The following COL12A1 variants were observed in gnomAD, a reference collection of about 807,000 sequenced individuals.
COL12A1 encodes collagen alpha-1(XII) chain.
In COL12A1, 114 loss-of-function variants were observed where a neutral mutation model predicts 349.7. The observed-to-expected ratio is 0.33, with a 90% CI of 0.28 to 0.38. COL12A1 has a LOEUF of 0.38. COL12A1 is among the 10% of genes least tolerant of loss of function. The pLI, the probability that COL12A1 is intolerant of heterozygous loss-of-function variation, is 1.00. For synonymous variants in COL12A1, 1,369 were observed against 1,329.0 expected (o/e 1.03, Z -0.66); for missense variants, 3,284 against 3,756.9 (o/e 0.87, Z 3.29).
At chr6:75,094,314 T>G (rs1409407489) in intron 60 of COL12A1, among the ~76,000 whole-genome samples, 1 of 152,236 alleles carries the variant, frequency 6.6e-6, no homozygotes, top group Non-Finnish European at 1.5e-5. Context: ...TAGTTGGACT[T>G]AATTGTCTTT....
chr6:75,189,936 T>C, intron 5 of COL12A1, 121 bp from the exon 6 acceptor site: 1 of 1,075,258 alleles, frequency 9.3e-7, no homozygotes, highest in South Asian at 1.7e-5. Context: ...TATTCACCAA[T>C]TGTTCTTCAC....
intron 42 of COL12A1, 37 bp downstream of exon 42, chr6:75,123,910 AG>A (rs769715321): frequency 3.8e-6 from 6 of 1,583,838 alleles, no homozygotes; most frequent in Non-Finnish European, 5.2e-6. Flanking sequence ...TCTATTCTAA[AG>A]CCTTATGAAA....
At chr6:75,146,423 A>G (rs549170589) in intron 23 of COL12A1, 179 bp from the exon 24 acceptor site, 3 of 542,388 alleles carry the variant, frequency 5.5e-6, no homozygotes, top group East Asian at 3.4e-5. Flanking sequence ...TACATTGCTC[A>G]TTGCACTTCA....
chr6:75,174,400 C>CA (rs1768804907), intron 13 of COL12A1, among the ~76,000 whole-genome samples: 1 of 151,908 alleles, frequency 6.6e-6, no homozygotes, highest in Admixed American at 6.6e-5. Flanking sequence ...ACTAAAAATA[C>CA]AAAAAATTAG....
intron 58 of COL12A1, among the ~76,000 whole-genome samples, chr6:75,098,936 C>G (rs1271046081): frequency 6.6e-6 from 1 of 152,184 alleles, no homozygotes; most frequent in Admixed American, 6.5e-5. Context: ...TCCTGCTACC[C>G]AGTTAGCATT....
chr6:75,105,130 A>G, intron 54 of COL12A1, 76 bp downstream of exon 54: 1 of 1,223,668 alleles, frequency 8.2e-7, no homozygotes, highest in East Asian at 2.4e-5. Flanking sequence ...TATTTTACTG[A>G]CTCCATATTG....
intron 11 of COL12A1, among the ~76,000 whole-genome samples, chr6:75,178,530 C>T (rs1323220139): frequency 6.6e-6 from 1 of 152,196 alleles, no homozygotes; most frequent in Non-Finnish European, 1.5e-5. Flanking sequence ...CTAAGATGCA[C>T]TATGGGTAAC....
intron 12 of COL12A1, 36 bp from the exon 13 acceptor site, chr6:75,175,346 T>A: frequency 6.3e-7 from 1 of 1,587,356 alleles, no homozygotes; most frequent in Admixed American, 1.8e-5. Flanking sequence ...CAAAACCCAT[T>A]ATTTAAAAAA....
Position 75,188,440 on chromosome 6 carries a change from C to A in COL12A1, c.919G>T (p.Asp307Tyr). Residue 307 changes from aspartate to tyrosine, a missense_variant, in exon 8 of 66, where the codon GAT (aspartate) becomes TAT (tyrosine). Transcript: ENST00000322507. ...TGGGAGATGATCTCATTCTGAATAT[C>A]CACAATTGCATCAAAGTTGGCCACA... Reference protein sequence around the residue: ...FNVANFDAIVDIQNEIISQVC... With the variant: ...FNVANFDAIVYIQNEIISQVC... 6.2e-7 allele frequency: 1 copy of A among 1,613,634 alleles called. No homozygotes were observed. Among genetic ancestry groups the A allele is most frequent in the Non-Finnish European group, 8.5e-7 (1 of 1,179,662 alleles).
intron 64 of COL12A1, 96 bp from the exon 65 acceptor site, chr6:75,087,843 A>C (rs926692503): frequency 5.9e-5 from 74 of 1,248,776 alleles, no homozygotes; most frequent in South Asian, 9.5e-5. Flanking sequence ...ACTGTCTCAA[A>C]ATTAGACAAT....
intron 46 of COL12A1, among the ~76,000 whole-genome samples, chr6:75,118,098 C>A (rs1769175560): frequency 6.6e-6 from 1 of 151,788 alleles, no homozygotes; most frequent in Non-Finnish European, 1.5e-5. Context: ...CTAAATTTGA[C>A]ATCAGGGGAA....
At chr6:75,091,870 G>A (rs1196639419) in intron 60 of COL12A1, among the ~76,000 whole-genome samples, 2 of 152,088 alleles carry the variant, frequency 1.3e-5, no homozygotes, top group Non-Finnish European at 2.9e-5. Flanking sequence ...GATTGCCCTT[G>A]TACCGCCATA....
At chr6:75,112,842 C>T (rs1310192716) in intron 51 of COL12A1, among the ~76,000 whole-genome samples, 1 of 151,232 alleles carries the variant, frequency 6.6e-6, no homozygotes, top group Non-Finnish European at 1.5e-5. Flanking sequence ...AAAAAGCAAG[C>T]AGAAGAAATA....
Position 75,189,387 on chromosome 6 carries a change from G to C in COL12A1, c.659-6C>G. ...TAAATAATCAATGGCATCCCCTAAA[G>C]GGAAAAGAAACATGTTCATTTACTC... On this transcript the variant is annotated splice_polypyrimidine_tract_variant and splice_region_variant and intron_variant, in intron 6 of 65. Coordinates refer to ENST00000322507, the MANE Select transcript of COL12A1 (RefSeq NM_004370.6). The C allele has an allele frequency of 1.2e-6, 2 of 1,611,024 alleles. No homozygotes were observed. The highest frequency in any genetic ancestry group is 1.7e-6 in the Non-Finnish European group (2 of 1,178,928).
Position 75,175,587 on chromosome 6 carries a change from A to G in COL12A1, c.2438-277T>C, listed in dbSNP as rs144317904. Reference sequence around the variant, plus strand: ...AATCTTTCATGTTAGAATATTTCCTATAAAATAGTTTCCCTGTATTTCCTT... The same window carrying G: ...AATCTTTCATGTTAGAATATTTCCTGTAAAATAGTTTCCCTGTATTTCCTT... On this transcript the variant is annotated intron_variant, in intron 12 of 65. Coordinates refer to ENST00000322507, the MANE Select transcript of COL12A1 (RefSeq NM_004370.6). 8.4e-3 allele frequency among the ~76,000 whole-genome samples: 1,274 copies of G among 152,328 alleles called. 55 individuals carry two copies. Among genetic ancestry groups the G allele is most frequent in the Admixed American group, 0.072 (1,101 of 15,300 alleles).
rs1765905596 is a variant in COL12A1, at chr6:75,124,279, T to C, written c.6700A>G (p.Arg2234Gly). 1.9e-6 allele frequency: 3 copies of C among 1,613,814 alleles called. No homozygotes were observed. In the East Asian group the frequency reaches 6.7e-5, roughly 36 times the overall value. The stretch of plus-strand genomic sequence containing the variant: ...CCATCTGCAGGGCTTAGTTTTAGCC[T>C]GTAGGAGGTGGCTGCCCGGTGAGGT... ...WSPHRAATSY[R>G]LKLSPADGTR... The change falls in exon 41 of 66, where the codon AGG becomes GGG. Residue 2234 changes from arginine (R) to glycine (G), a missense_variant. Arg to Gly is a moderately radical substitution (Grantham distance 125). Coordinates refer to ENST00000322507, the MANE Select transcript of COL12A1 (RefSeq NM_004370.6).
intron 52 of COL12A1, among the ~76,000 whole-genome samples, chr6:75,106,753 T>C (rs756631175): frequency 1.3e-4 from 20 of 152,158 alleles, no homozygotes; most frequent in Non-Finnish European, 2.2e-4. Flanking sequence ...TTTGAACATA[T>C]GTCTACGAGA....
Position 75,143,239 on chromosome 6 carries a change from A to G in COL12A1, c.4827+13T>C, listed in dbSNP as rs1030816027. On this transcript the variant is annotated intron_variant, in intron 26 of 65. Coordinates refer to ENST00000322507, the MANE Select transcript of COL12A1 (RefSeq NM_004370.6). ...AACAAATATTTTCATATCTACTATC[A>G]TCTTCAACCTACCTCTTTGACATCC... 5 of 1,613,264 alleles carry G rather than the reference A, an allele frequency of 3.1e-6. No homozygotes were observed. The African/African-American group carries it at 6.7e-5, about 22-fold the overall frequency.
chr6:75,121,984 T>C (rs911504674), intron 43 of COL12A1, among the ~76,000 whole-genome samples: 1 of 151,700 alleles, frequency 6.6e-6, no homozygotes, highest in Non-Finnish European at 1.5e-5. Context: ...CTCAGCCTCC[T>C]GAGTAGCTGG....
Sources: gnomAD v4.1 joint callset for allele counts (sites outside exome capture counted in the v4.1 genomes callset) on GRCh38, gnomAD v4.1.1 for gene constraint, MANE v1.5 for transcripts, NCBI Gene and HGNC (gene_info 2026-07-23, HGNC 2026-07-21) for gene names.